Variants in PDE1A observed in about 807,000 individuals in gnomAD.
PDE1A encodes phosphodiesterase 1A.
A neutral mutation model predicts 61.7 loss-of-function variants in PDE1A; 35 were observed. The observed-to-expected ratio is 0.57, with a 90% CI of 0.43 to 0.75. The LOEUF (loss-of-function observed/expected upper bound fraction) is 0.75, where lower values mean the gene tolerates loss of function less well. PDE1A is among the 30% of genes least tolerant of loss of function. The probability of loss-of-function intolerance (pLI) is 0.00; values close to 1 mark genes in which losing one functional copy is unlikely to be tolerated. For missense variants in PDE1A, 597 were observed against 630.6 expected (o/e 0.95, Z 0.57); for synonymous variants, 232 against 213.2 (o/e 1.09, Z -0.77).
At chr2:182,406,568 A>G (rs1443236538) in intron 1 of PDE1A, among the ~76,000 whole-genome samples, 2 of 152,194 alleles carry the variant, frequency 1.3e-5, no homozygotes, top group Non-Finnish European at 2.9e-5. Context: ...GATTTACAGA[A>G]ATAACCCTTA....
chr2:182,601,647 C>T, the PDE1A span, among the ~76,000 whole-genome samples: 1 of 152,218 alleles, frequency 6.6e-6, no homozygotes, highest in African/African-American at 2.4e-5. Flanking sequence ...CAGAGACCTG[C>T]TGTGGGTAGC....
chr2:182,339,915 CAA>C (rs3062169), intron 1 of PDE1A, among the ~76,000 whole-genome samples: 1,774 of 152,198 alleles, frequency 0.012, 34 homozygotes, highest in African/African-American at 0.041. Context: ...TTACTTAGGG[CAA>C]AGGGAATGAT....
At chr2:182,467,499 T>C (rs1686750293) in intron 2 of PDE1A, among the ~76,000 whole-genome samples, 2 of 151,896 alleles carry the variant, frequency 1.3e-5, no homozygotes, top group African/African-American at 4.8e-5. Context: ...GTAACTATCA[T>C]CCAGAAACTC....
At chr2:182,381,431 G>A (rs1360236579) in intron 1 of PDE1A, among the ~76,000 whole-genome samples, 2 of 152,182 alleles carry the variant, frequency 1.3e-5, no homozygotes, top group Admixed American at 1.3e-4. Flanking sequence ...AAGGCTCACA[G>A]GATGGTGGCG....
intron 1 of PDE1A, among the ~76,000 whole-genome samples, chr2:182,341,710 T>C (rs747790878): frequency 1.6e-4 from 24 of 152,208 alleles, no homozygotes; most frequent in Non-Finnish European, 1.0e-4. Flanking sequence ...CTTTATTGTG[T>C]TCACATGTGA....
chr2:182,628,406 C>A, the PDE1A span, among the ~76,000 whole-genome samples: 3 of 152,110 alleles, frequency 2.0e-5, no homozygotes, highest in Non-Finnish European at 2.9e-5. Flanking sequence ...GCTAAGCAAG[C>A]CTAGTTTAAC....
intron 13 of PDE1A, among the ~76,000 whole-genome samples, chr2:182,185,197 A>G (rs1175098678): frequency 6.6e-6 from 1 of 152,192 alleles, no homozygotes. Context: ...CCAAGAGGCC[A>G]TTGTGCAGGG....
chr2:182,177,307 A>G (rs1431102069), intron 13 of PDE1A, among the ~76,000 whole-genome samples: 1 of 151,934 alleles, frequency 6.6e-6, no homozygotes. Flanking sequence ...CTGTGAATCC[A>G]TCTGGTCCTG....
chr2:182,209,891 A>G (rs1687439203), intron 7 of PDE1A, among the ~76,000 whole-genome samples: 1 of 152,166 alleles, frequency 6.6e-6, no homozygotes, highest in African/African-American at 2.4e-5. Context: ...TTTTTATAGC[A>G]GTGTGAGAAG....
intron 1 of PDE1A, among the ~76,000 whole-genome samples, chr2:182,339,275 C>A (rs1419450288): frequency 6.6e-6 from 1 of 151,990 alleles, no homozygotes; most frequent in African/African-American, 2.4e-5. Context: ...ATTTTTTTTA[C>A]CCTACCTCAT....
chr2:182,159,445 G>C (rs1413230795), intron 13 of PDE1A, among the ~76,000 whole-genome samples: 2 of 152,162 alleles, frequency 1.3e-5, no homozygotes, highest in East Asian at 3.9e-4. Flanking sequence ...GGTTAATTAA[G>C]AATGGAAAGG....
At chr2:182,396,575 T>C (rs1401943612) in intron 1 of PDE1A, among the ~76,000 whole-genome samples, 1 of 152,260 alleles carries the variant, frequency 6.6e-6, no homozygotes, top group Admixed American at 6.5e-5. Context: ...TTCATGCATA[T>C]ATACACTTGT....
the PDE1A span, among the ~76,000 whole-genome samples, chr2:182,623,851 C>A: frequency 6.6e-6 from 1 of 152,096 alleles, no homozygotes; most frequent in Non-Finnish European, 1.5e-5. Context: ...ACAGGCCAGG[C>A]GCGGTGGCTC....
intron 2 of PDE1A, among the ~76,000 whole-genome samples, chr2:182,469,243 C>A (rs1167453933): frequency 6.6e-6 from 1 of 151,950 alleles, no homozygotes; most frequent in African/African-American, 2.4e-5. Context: ...CACTGAAAAT[C>A]TGTTGTTTAG....
At chr2:182,702,589 G>A in the PDE1A span, among the ~76,000 whole-genome samples, 1 of 152,162 alleles carries the variant, frequency 6.6e-6, no homozygotes, top group South Asian at 2.1e-4. Context: ...AATATAAGGG[G>A]TTGGAGAAAG....
chr2:182,563,203 AT>A, the PDE1A span, among the ~76,000 whole-genome samples: 1 of 151,656 alleles, frequency 6.6e-6, no homozygotes, highest in Non-Finnish European at 1.5e-5. Context: ...AGTGCTATAA[AT>A]TTCCCTCTAC....
chr2:182,666,524 C>T, the PDE1A span, among the ~76,000 whole-genome samples: 1 of 151,884 alleles, frequency 6.6e-6, no homozygotes, highest in Admixed American at 6.6e-5. Flanking sequence ...AGGAGAATCG[C>T]TTGAACCCGG....
At chr2:182,696,796 T>C in the PDE1A span, among the ~76,000 whole-genome samples, 1 of 152,168 alleles carries the variant, frequency 6.6e-6, no homozygotes, top group African/African-American at 2.4e-5. Flanking sequence ...ATAAAGTCTA[T>C]TTTCAAAAAT....
rs376609661 is a variant in PDE1A, at chr2:182,494,658, C to T, written c.101+27618G>A. Among the ~76,000 whole-genome samples, 6 of 152,242 alleles carry T rather than the reference C, an allele frequency of 3.9e-5. No homozygotes were observed. In the South Asian group the frequency reaches 1.2e-3, roughly 32 times the overall value. On this transcript the variant is annotated intron_variant, in intron 2 of 14. Transcript: ENST00000410103. The stretch of plus-strand genomic sequence containing the variant: ...GTTCTCATCTCAGAAGTCAAAATGC[C>T]CAACGACCAATGTAATAATCAGAAT...
Sources: gnomAD v4.1 joint callset for allele counts (sites outside exome capture counted in the v4.1 genomes callset) on GRCh38, gnomAD v4.1.1 for gene constraint, MANE v1.5 for transcripts, NCBI Gene and HGNC (gene_info 2026-07-23, HGNC 2026-07-21) for gene names.